Variants in TMEM114 observed in about 807,000 individuals in gnomAD.
The protein encoded by TMEM114 is transmembrane protein 114.
In TMEM114, 6 loss-of-function variants were observed where a neutral mutation model predicts 6.2. The observed-to-expected ratio is 0.97, with a 90% confidence interval of 0.53 to 1.91. The LOEUF (loss-of-function observed/expected upper bound fraction) is 1.91. Among genes scored for constraint, TMEM114 ranks in the 40% most tolerant of loss-of-function variants. TMEM114 has a pLI of 0.01. For missense variants in TMEM114, 218 were observed against 158.3 expected (o/e 1.38, Z -2.02); for synonymous variants, 104 against 73.0 (o/e 1.42, Z -2.16).
chr16:8,553,493 C>CT (rs112930945), intron 2 of TMEM114, among the ~76,000 whole-genome samples: 4,132 of 150,602 alleles, frequency 0.027, 190 homozygotes, highest in African/African-American at 0.096. Context: ...GCTTTTCTTT[C>CT]TTTTTTTTTT....
At chr16:8,549,451 GA>G in intron 2 of TMEM114, among the ~76,000 whole-genome samples, 1 of 139,172 alleles carries the variant, frequency 7.2e-6, no homozygotes, top group South Asian at 2.2e-4. Context: ...AGTGAGCCAC[GA>G]TTGAGCCACT....
At chr16:8,555,405 C>A (rs1313512486) in intron 2 of TMEM114, among the ~76,000 whole-genome samples, 3 of 152,214 alleles carry the variant, frequency 2.0e-5, no homozygotes, top group Non-Finnish European at 4.4e-5. Flanking sequence ...TTTATACCCA[C>A]TTTTAATGAT....
chr16:8,535,929 A>G (rs28581305), downstream of TMEM114, among the ~76,000 whole-genome samples: 18,778 of 152,196 alleles, frequency 0.12, 1,434 homozygotes, highest in African/African-American at 0.22. Flanking sequence ...AAAAGCTTCA[A>G]AAATGAAGGG....
intron 2 of TMEM114, among the ~76,000 whole-genome samples, chr16:8,557,032 C>A (rs368775711): frequency 5.3e-5 from 8 of 152,030 alleles, no homozygotes; most frequent in Admixed American, 3.3e-4. Flanking sequence ...AATAATGAAT[C>A]GGTGAGGCTT....
intron 2 of TMEM114, among the ~76,000 whole-genome samples, chr16:8,588,728 G>C (rs889617647): frequency 1.3e-5 from 2 of 152,022 alleles, no homozygotes; most frequent in African/African-American, 4.8e-5. Context: ...AATTTCTATC[G>C]CACCCCACTA....
At chr16:8,547,292 A>G (rs1015220405) in intron 2 of TMEM114, among the ~76,000 whole-genome samples, 2 of 152,164 alleles carry the variant, frequency 1.3e-5, no homozygotes, top group African/African-American at 4.8e-5. Flanking sequence ...GGGTTAAGCA[A>G]GAACTCTAGA....
chr16:8,563,828 AAT>A (rs1901394078), intron 2 of TMEM114, among the ~76,000 whole-genome samples: 1 of 135,172 alleles, frequency 7.4e-6, no homozygotes, highest in African/African-American at 2.7e-5. Flanking sequence ...TGAGTGAGTG[AAT>A]GAGTGAGGGA....
chr16:8,560,312 G>C (rs1901158987), intron 2 of TMEM114, among the ~76,000 whole-genome samples: 1 of 151,980 alleles, frequency 6.6e-6, no homozygotes, highest in Non-Finnish European at 1.5e-5. Context: ...CAGTGATCTT[G>C]GATGCATCCT....
intron 3 of TMEM114, among the ~76,000 whole-genome samples, chr16:8,571,754 G>A (rs953041095): frequency 7.2e-5 from 11 of 152,148 alleles, no homozygotes; most frequent in East Asian, 1.9e-4. Flanking sequence ...AGAATAGAGC[G>A]AGGGTGGCTG....
chr16:8,570,004 G>A lies in TMEM114; in HGVS notation c.441C>T (p.Ala147=), dbSNP rs1364001831. The change falls in exon 4 of 4, where the codon GCC becomes GCT. Residue 147 remains alanine, a splice_region_variant and synonymous_variant. Transcript: ENST00000620492. ...CGCTGATCCCAGCGAGGGTCACCAT[G>A]GCTGCAGGGAGGGCAAAGGGAGAGC... The part of the protein sequence containing the change: ...LLTGILFLFG[A]MVTLAGISVY... 6.5e-7 allele frequency: 1 copy of A among 1,547,896 alleles called. No individual in the cohort carries two copies. The highest frequency in any genetic ancestry group is 1.4e-5 in the African/African-American group (1 of 73,006).
At chr16:8,562,440 ATG>A (rs1361385294) in intron 2 of TMEM114, among the ~76,000 whole-genome samples, 1 of 116,754 alleles carries the variant, frequency 8.6e-6, no homozygotes, top group Non-Finnish European at 1.8e-5. Context: ...GAGTGAGTGA[ATG>A]AGTGAATGAG....
At chr16:8,562,040 A>ATGAGTGAGTGAG (rs1420352510) in intron 2 of TMEM114, among the ~76,000 whole-genome samples, 1 of 147,210 alleles carries the variant, frequency 6.8e-6, no homozygotes, top group African/African-American at 2.6e-5. Flanking sequence ...GAGTGAGTAA[A>ATGAGTGAGTGAG]TGAGTGAGTG....
At chr16:8,561,870 G>T (rs555637273) in intron 2 of TMEM114, among the ~76,000 whole-genome samples, 3 of 124,254 alleles carry the variant, frequency 2.4e-5, no homozygotes, top group African/African-American at 9.0e-5. Flanking sequence ...GTGAGGGAAT[G>T]AGTGAGTGAA....
chr16:8,589,074 C>T (rs1455761095), intron 2 of TMEM114, 139 bp downstream of exon 2: 6 of 393,866 alleles, frequency 1.5e-5, no homozygotes, highest in Admixed American at 4.4e-5. Flanking sequence ...TAAGCCCACT[C>T]CATTCTCAGG....
intron 2 of TMEM114, among the ~76,000 whole-genome samples, chr16:8,577,611 T>G (rs1339175768): frequency 6.6e-6 from 1 of 151,742 alleles, no homozygotes; most frequent in Non-Finnish European, 1.5e-5. Flanking sequence ...TGAGATTGAG[T>G]CTCGCTCTGT....
chr16:8,543,757 C>T (rs1427196610), intron 2 of TMEM114, among the ~76,000 whole-genome samples: 1 of 152,138 alleles, frequency 6.6e-6, no homozygotes, highest in South Asian at 2.1e-4. Context: ...GTGAATGTAT[C>T]ATTCATTTCT....
At chr16:8,566,846 G>A (rs1000356498), downstream of TMEM114, among the ~76,000 whole-genome samples, 3 of 147,206 alleles carry the variant, frequency 2.0e-5, no homozygotes, top group African/African-American at 7.8e-5. Context: ...CTTTCTAATT[G>A]TCCTTCCTGG....
chr16:8,573,278 A>G (rs1355629634), intron 2 of TMEM114, among the ~76,000 whole-genome samples: 1 of 152,236 alleles, frequency 6.6e-6, no homozygotes, highest in East Asian at 1.9e-4. Context: ...CCCGGGTTGC[A>G]GAGCCAAACG....
downstream of TMEM114, among the ~76,000 whole-genome samples, chr16:8,568,572 T>C (rs943363732): frequency 6.6e-6 from 1 of 152,158 alleles, no homozygotes; most frequent in Admixed American, 6.5e-5. Context: ...GACGTCATGG[T>C]GATGATGATG....
Sources: gnomAD v4.1 joint callset for allele counts (sites outside exome capture counted in the v4.1 genomes callset) on GRCh38, gnomAD v4.1.1 for gene constraint, MANE v1.5 for transcripts, NCBI Gene and HGNC (gene_info 2026-07-23, HGNC 2026-07-21) for gene names.